The following SP100 variants were observed in gnomAD, a reference collection of about 807,000 sequenced individuals.
SP100 encodes the protein SP100 nuclear body protein.
Under a neutral mutation model 130.0 loss-of-function variants are expected in SP100, and 84 were observed. The observed-to-expected ratio is 0.65, with a 90% CI of 0.54 to 0.77. The LOEUF (loss-of-function observed/expected upper bound fraction) is 0.77, where lower values mean the gene tolerates loss of function less well. Among genes scored for constraint, SP100 ranks in the 30% least tolerant of loss-of-function variants. The pLI, the probability that SP100 is intolerant of heterozygous loss-of-function variation, is 0.00. For synonymous variants in SP100, 331 were observed against 351.7 expected, an observed-to-expected ratio of 0.94 and a Z score of 0.66; for missense variants, 978 against 1,052.2, an observed-to-expected ratio of 0.93 and a Z score of 0.97.
intron 21 of SP100, among the ~76,000 whole-genome samples, chr2:230,504,527 A>G (rs1008935931): frequency 2.0e-5 from 3 of 152,214 alleles, no homozygotes; most frequent in African/African-American, 7.2e-5. Flanking sequence ...AGAGACAACC[A>G]AAAGCAAGCT....
intron 22 of SP100, among the ~76,000 whole-genome samples, chr2:230,506,931 G>A (rs1010984855): frequency 3.9e-5 from 6 of 152,080 alleles, no homozygotes; most frequent in African/African-American, 1.2e-4. Context: ...TAAATAAATT[G>A]CATTTTAAAG....
At position 230,539,326 on chromosome 2, in the gene SP100, C is replaced by T. The variant is rs766711812; in HGVS notation, c.2154C>T (p.Asp718=). ...CNKWGRLFCC[D]TCPRSFHEHC... ...AATGGGGACGGCTGTTCTGCTGCGA[C>T]ACTTGTCCAAGATCCTTTCATGAGC... is the stretch of plus-strand genomic sequence containing the variant. Residue 718 remains aspartate (D), a synonymous_variant, in exon 25 of 29, where the codon GAC becomes GAT. Coordinates refer to ENST00000340126, the MANE Select transcript of SP100 (RefSeq NM_001080391.2). The T allele has an allele frequency of 2.9e-5, 46 of 1,613,932 alleles. No individual in the cohort carries two copies. Among genetic ancestry groups the T allele is most frequent in the Middle Eastern group, 1.6e-4 (1 of 6,080 alleles).
At chr2:230,466,958 G>A (rs2064990607) in intron 12 of SP100, among the ~76,000 whole-genome samples, 162 bp from the exon 13 acceptor site, 1 of 142,268 alleles carries the variant, frequency 7.0e-6, no homozygotes, top group South Asian at 2.5e-4. Flanking sequence ...ACACAAATCT[G>A]AATGAAAAGG....
At chr2:230,430,833 G>A (rs554151742) in intron 2 of SP100, among the ~76,000 whole-genome samples, 1 of 152,332 alleles carries the variant, frequency 6.6e-6, no homozygotes, top group South Asian at 2.1e-4. Context: ...TTGTGCCTGG[G>A]CAGGGTCTCA....
intron 18 of SP100, among the ~76,000 whole-genome samples, chr2:230,496,607 T>C (rs2066680319): frequency 6.6e-6 from 1 of 152,234 alleles, no homozygotes; most frequent in Non-Finnish European, 1.5e-5. Context: ...ACCAACCTTA[T>C]AGATTTTGGT....
intron 2 of SP100, among the ~76,000 whole-genome samples, chr2:230,435,732 C>G (rs1401740512): frequency 6.6e-6 from 1 of 152,134 alleles, no homozygotes; most frequent in Non-Finnish European, 1.5e-5. Context: ...CCCCCACCCT[C>G]TGAAACACCC....
Position 230,541,881 on chromosome 2 carries a change from T to C in SP100, c.2404-11T>C, listed in dbSNP as rs1692194549. On this transcript the variant is annotated splice_polypyrimidine_tract_variant and intron_variant, in intron 27 of 28. Transcript: ENST00000340126. ...GGGCTGATAGCCTCATTTTGGTCTT[T>C]TACTCAACAGAACAGAGAGGGGTCT... 2 of 1,611,840 alleles carry C rather than the reference T, an allele frequency of 1.2e-6. No homozygotes were observed. Among genetic ancestry groups the C allele is most frequent in the South Asian group, 2.2e-5 (2 of 90,688 alleles).
chr2:230,486,203 G>A (rs1053052712), intron 17 of SP100, among the ~76,000 whole-genome samples: 3 of 152,140 alleles, frequency 2.0e-5, no homozygotes, highest in African/African-American at 4.8e-5. Context: ...GGTGAGCTAC[G>A]GGGAAGTGCC....
chr2:230,457,622 G>C (rs1439103982), intron 8 of SP100, among the ~76,000 whole-genome samples: 1 of 152,178 alleles, frequency 6.6e-6, no homozygotes, highest in Non-Finnish European at 1.5e-5. Context: ...TGTGCTTCCT[G>C]GAGTTGGGGA....
chr2:230,484,711 A>G (rs936028713), intron 17 of SP100, among the ~76,000 whole-genome samples: 2 of 152,170 alleles, frequency 1.3e-5, no homozygotes, highest in African/African-American at 4.8e-5. Context: ...TTACTCCCAT[A>G]TAGGAAAGCT....
chr2:230,534,383 G>A, intron 24 of SP100, among the ~76,000 whole-genome samples: 1 of 152,216 alleles, frequency 6.6e-6, no homozygotes, highest in East Asian at 1.9e-4. Flanking sequence ...TCCAGCCTGG[G>A]TGACAGAGCG....
At chr2:230,504,728 G>A (rs979242324) in intron 21 of SP100, among the ~76,000 whole-genome samples, 4 of 152,170 alleles carry the variant, frequency 2.6e-5, no homozygotes, top group Admixed American at 6.5e-5. Context: ...GAAGGAAAGC[G>A]GGTGTTCAGC....
chr2:230,445,015 G>A (rs1037449222), intron 4 of SP100, among the ~76,000 whole-genome samples: 1 of 152,154 alleles, frequency 6.6e-6, no homozygotes, highest in Non-Finnish European at 1.5e-5. Context: ...TTAACCCTGG[G>A]TCAAGTTTGC....
intron 16 of SP100, among the ~76,000 whole-genome samples, chr2:230,473,704 A>C (rs1376505524): frequency 6.6e-6 from 1 of 152,218 alleles, no homozygotes; most frequent in Non-Finnish European, 1.5e-5. Flanking sequence ...ACATTTGCTT[A>C]ACCCGACCCT....
In SP100 at chr2:230,542,780, T is replaced by A. The variant is rs941628263; in HGVS notation, c.2548-56T>A. 24 of 996,872 alleles carry A rather than the reference T, an allele frequency of 2.4e-5. No individual in the cohort carries two copies. The African/African-American group carries it at 3.4e-4, about 14-fold the overall frequency. The allele number at this position is 996,872 out of a possible 1,614,324, so 61.8% of individuals were successfully genotyped here. A position where few individuals can be genotyped will look rare whatever the true frequency, so the allele number is the denominator to read the frequency against. On this transcript the variant is annotated intron_variant, in intron 28 of 28. Transcript: ENST00000340126. Reference sequence around the variant, plus strand: ...TGAGGCCCCAGATTATCTGCAACACTGGGTGTCTCAGCTCATTGCATAACT... The same window carrying A: ...TGAGGCCCCAGATTATCTGCAACACAGGGTGTCTCAGCTCATTGCATAACT...
intron 28 of SP100, 53 bp from the exon 29 acceptor site, chr2:230,542,780 TGGG>T (rs1692229598): frequency 1.0e-6 from 1 of 996,990 alleles, no homozygotes. Context: ...TCTGCAACAC[TGGG>T]TGTCTCAGCT....
chr2:230,494,558 G>A (rs2066562330), intron 18 of SP100, 98 bp downstream of exon 18: 4 of 851,072 alleles, frequency 4.7e-6, no homozygotes. Flanking sequence ...TCTCCTATGG[G>A]CCACGGTAGC....
intron 24 of SP100, among the ~76,000 whole-genome samples, chr2:230,526,549 G>A (rs752359001): frequency 2.0e-5 from 3 of 152,122 alleles, no homozygotes; most frequent in Non-Finnish European, 4.4e-5. Context: ...GAACAAAACT[G>A]GACGGAGAAT....
chr2:230,460,617 T>C lies in SP100; in HGVS notation c.821-645T>C, dbSNP rs2064547292. On this transcript the variant is annotated intron_variant, in intron 8 of 28. Transcript: ENST00000340126. ...CTTTTTTTTTTTTTTTTTTTTTTTT[T>C]TTTTTTTTTTTTTTTTTGAGACGGA... 5.0e-4 allele frequency among the ~76,000 whole-genome samples: 4 copies of C among 7,946 alleles called. 2 individuals are homozygous for C. Among genetic ancestry groups the C allele is most frequent in the Admixed American group, 1.8e-3 (2 of 1,130 alleles). The allele number at this position is 7,946 out of a possible 152,430, so 5.2% of individuals were successfully genotyped here. A position where few individuals can be genotyped will look rare whatever the true frequency, so the allele number is the denominator to read the frequency against.
Sources: gnomAD v4.1 joint callset for allele counts (sites outside exome capture counted in the v4.1 genomes callset) on GRCh38, gnomAD v4.1.1 for gene constraint, MANE v1.5 for transcripts, NCBI Gene and HGNC (gene_info 2026-07-23, HGNC 2026-07-21) for gene names.